Variants in VWF observed in about 807,000 individuals in gnomAD.
VWF encodes von Willebrand factor.
In VWF, 176 loss-of-function variants were observed where a neutral mutation model predicts 308.6. The ratio of observed to expected loss-of-function variants is 0.57; its 90% CI spans 0.50 to 0.65. The LOEUF (loss-of-function observed/expected upper bound fraction) is 0.65, where lower values mean the gene tolerates loss of function less well. Among genes scored for constraint, VWF ranks in the 30% least tolerant of loss-of-function variants. The pLI, the probability that VWF is intolerant of heterozygous loss-of-function variation, is 0.00. For missense variants in VWF, 3,146 were observed against 3,648.2 expected (o/e 0.86, Z 3.55); for synonymous variants, 1,385 against 1,443.4 (o/e 0.96, Z 0.92).
At chr12:6,037,359 C>T (rs1240640441) in intron 18 of VWF, among the ~76,000 whole-genome samples, 1 of 152,076 alleles carries the variant, frequency 6.6e-6, no homozygotes, top group Non-Finnish European at 1.5e-5. Context: ...AAGTAGAAAT[C>T]GATCAGAACT....
At chr12:6,072,505 T>C in intron 8 of VWF, 63 bp from the exon 9 acceptor site, 3 of 1,336,590 alleles carry the variant, frequency 2.2e-6, no homozygotes, top group South Asian at 2.4e-5. Flanking sequence ...ATCCCACAAC[T>C]ATAGAATCCC....
Position 5,969,336 on chromosome 12 carries a change from C to G in VWF, c.7604G>C (p.Arg2535Pro). The change falls in exon 45 of 52, where the codon CGA (arginine) becomes CCA (proline). Residue 2535 changes from arginine (R) to proline (P), a missense_variant. By Grantham distance (103) the Arg-to-Pro change is moderately radical. Around this residue, in one of 3 missense-constraint regions of VWF, gnomAD observed 989 missense variants for 1,117.4 expected, o/e 0.89. Transcript: ENST00000261405. ...ENPCLINECV[R>P]VKEEVFIQQR... ...TTGTATAAAGACCTCCTCCTTCACT[C>G]GGACACACTCATTGATGAGGCAGGG... is the stretch of plus-strand genomic sequence containing the variant. The G allele has an allele frequency of 2.5e-6, 4 of 1,614,182 alleles. No individual in the cohort carries two copies. Among genetic ancestry groups the G allele is most frequent in the Non-Finnish European group, 3.4e-6 (4 of 1,180,046 alleles).
chr12:6,000,399 T>C (rs1274859758), intron 34 of VWF, among the ~76,000 whole-genome samples: 3 of 152,214 alleles, frequency 2.0e-5, no homozygotes, highest in Admixed American at 6.5e-5. Flanking sequence ...AAAGAAAATG[T>C]GAATCAAGAA....
chr12:5,982,066 G>A, intron 41 of VWF, 75 bp from the exon 42 acceptor site: 2 of 1,440,220 alleles, frequency 1.4e-6, no homozygotes, highest in East Asian at 2.3e-5. Context: ...GCTATAGGGT[G>A]CCAGGGAGCT....
chr12:6,102,011 TTC>T (rs1475717402), intron 5 of VWF, among the ~76,000 whole-genome samples: 2 of 152,056 alleles, frequency 1.3e-5, no homozygotes, highest in Non-Finnish European at 1.5e-5. Context: ...GGGCGGAATT[TTC>T]TCTCTTAAAA....
At chr12:6,003,512 C>CA (rs568588923) in intron 34 of VWF, among the ~76,000 whole-genome samples, 17,747 of 132,380 alleles carry the variant, frequency 0.13, 1,093 homozygotes, top group Non-Finnish European at 0.15. Context: ...TGTTTCACTA[C>CA]AAAAAAAAAA....
rs1250729377 is a variant in VWF at position 5,983,176 on chromosome 12, C to T, written c.7055G>A (p.Gly2352Asp). The stretch of plus-strand genomic sequence containing the variant: ...GCAGGTGAAGTTGGGTCTGCACTCG[C>T]CAGGGTTGGTCAGTGTGGGCTGGAG... ...RGLQPTLTNP[G>D]ECRPNFTCAC... The change falls in exon 41 of 52, where the codon GGC becomes GAC. Residue 2352 changes from glycine to aspartate, a missense_variant. Physicochemically the swap from Gly to Asp is moderately conservative, Grantham distance 94. Transcript: ENST00000261405. 6.2e-7 allele frequency: 1 copy of T among 1,614,044 alleles called. No homozygotes were observed. The highest frequency in any genetic ancestry group is 8.5e-7 in the Non-Finnish European group (1 of 1,179,984).
intron 22 of VWF, among the ~76,000 whole-genome samples, 174 bp from the exon 23 acceptor site, chr12:6,026,220 T>G (rs1944190929): frequency 6.6e-6 from 1 of 152,124 alleles, no homozygotes; most frequent in African/African-American, 2.4e-5. Context: ...GCCTTGCCAT[T>G]GCCAAGACCC....
At chr12:6,000,906 C>A (rs901587842) in intron 34 of VWF, among the ~76,000 whole-genome samples, 2 of 150,900 alleles carry the variant, frequency 1.3e-5, no homozygotes, top group African/African-American at 4.9e-5. Flanking sequence ...CTAAAGTGAG[C>A]ATTTTTATTT....
At chr12:6,036,079 C>CT (rs758946881) in intron 19 of VWF, among the ~76,000 whole-genome samples, 1 of 152,152 alleles carries the variant, frequency 6.6e-6, no homozygotes, top group Non-Finnish European at 1.5e-5. Flanking sequence ...CCTAAGACAC[C>CT]TCATTATGTA....
chr12:5,969,648 TC>T (rs1943447476), intron 44 of VWF, among the ~76,000 whole-genome samples: 1 of 152,152 alleles, frequency 6.6e-6, no homozygotes, highest in Admixed American at 6.5e-5. Flanking sequence ...GGACTCACCC[TC>T]CCTTCCTCAG....
rs541793303 is a variant in VWF at position 5,964,051 on chromosome 12, C to CA, written c.7887+3434dup. On this transcript the variant is annotated intron_variant, in intron 47 of 51. Transcript: ENST00000261405. ...TGAAACCCCGTCTCTACTAAAAATA[C>CA]AAAAAAAAGAAAAAAATTAGCTGGG... is the stretch of plus-strand genomic sequence containing the variant. Among the ~76,000 whole-genome samples, 595 of 151,440 alleles carry CA rather than the reference C, an allele frequency of 3.9e-3. 3 individuals carry two copies. The highest frequency in any genetic ancestry group is 9.5e-3 in the African/African-American group (393 of 41,258).
intron 6 of VWF, among the ~76,000 whole-genome samples, chr12:6,092,497 T>C (rs1945046258): frequency 6.7e-6 from 1 of 148,152 alleles, no homozygotes; most frequent in Non-Finnish European, 1.5e-5. Context: ...TGCACCACCA[T>C]GCCCAGCTAG....
chr12:5,999,011 C>T (rs1297720009), intron 34 of VWF, among the ~76,000 whole-genome samples: 5 of 152,204 alleles, frequency 3.3e-5, no homozygotes, highest in Non-Finnish European at 7.3e-5. Context: ...GCGTGAGCCA[C>T]TGCACCCAGC....
chr12:5,951,066 C>T (rs1321473843), intron 50 of VWF, among the ~76,000 whole-genome samples: 1 of 145,488 alleles, frequency 6.9e-6, no homozygotes, highest in Non-Finnish European at 1.6e-5. Flanking sequence ...GAACCCAGGG[C>T]AGAAAAGAAA....
At chr12:6,015,310 C>T (rs543189203) in intron 31 of VWF, among the ~76,000 whole-genome samples, 22 of 152,314 alleles carry the variant, frequency 1.4e-4, no homozygotes, top group African/African-American at 1.2e-4. Flanking sequence ...CAATACAATA[C>T]GATTTGCACA....
At chr12:6,073,765 C>G (rs753542727) in intron 7 of VWF, 24 bp from the exon 8 acceptor site, 20 of 1,613,482 alleles carry the variant, frequency 1.2e-5, no homozygotes, top group Non-Finnish European at 1.6e-5. Flanking sequence ...TCAAAGGGGT[C>G]TACCCAGGGC....
rs1011737520 is a variant in VWF at position 6,020,059 on chromosome 12, T to C, written c.3675-316A>G. Among the ~76,000 whole-genome samples, 1 of 152,238 alleles carries C rather than the reference T, an allele frequency of 6.6e-6. No homozygotes were observed. The highest frequency in any genetic ancestry group is 1.5e-5 in the Non-Finnish European group (1 of 68,040). ...CATCCACACAACCACTCAAAGCTGATTTCTTTTCAACCTACATCTTTAGCA... is the reference window on the plus strand; with the variant it reads ...CATCCACACAACCACTCAAAGCTGACTTCTTTTCAACCTACATCTTTAGCA... On this transcript the variant is annotated intron_variant, in intron 27 of 51. Coordinates refer to ENST00000261405, the MANE Select transcript of VWF (RefSeq NM_000552.5). This position sits in a 1 kb window ranked among gnomAD's most constrained non-coding sequence, Gnocchi z 4.3.
At position 6,056,921 on chromosome 12, in the gene VWF, G is replaced by A; in HGVS notation, c.1881C>T (p.Ala627=). 1.3e-6 allele frequency: 2 copies of A among 1,532,986 alleles called. No individual in the cohort carries two copies. The highest frequency in any genetic ancestry group is 1.2e-5 in the South Asian group (1 of 83,594). 95.0% of individuals were successfully genotyped at this position (1,532,986 alleles called of 1,614,324 possible). A position where few individuals can be genotyped will look rare whatever the true frequency, so the allele number is the denominator to read the frequency against. Residue 627 remains alanine, a synonymous_variant, in exon 15 of 52, where the codon GCC becomes GCT. Transcript: ENST00000261405. ...DGRECLCGAL[A]SYAAACAGRG... ...TCCCCGCGCAGGCCGCGGCATAGCT[G>A]GCCAGGGCGCCGCACAGGCACTCGC...
Sources: gnomAD v4.1 joint callset for allele counts (sites outside exome capture counted in the v4.1 genomes callset) on GRCh38, gnomAD v4.1.1 for gene constraint, gnomAD v4.1.1 regional missense constraint, Gnocchi (gnomAD v3.1) non-coding constraint, MANE v1.5 for transcripts, NCBI Gene and HGNC (gene_info 2026-07-23, HGNC 2026-07-21) for gene names.